PKHD1L1: variants seen among roughly 807,000 people sequenced by gnomAD.
The protein encoded by PKHD1L1 is fibrocystin-L.
A neutral mutation model predicts 462.9 loss-of-function variants in PKHD1L1; 434 were observed. The observed-to-expected ratio is 0.94, with a 90% CI of 0.87 to 1.02. The LOEUF is 1.02. Ranked by LOEUF, PKHD1L1 falls within the 50% of genes least tolerant of loss-of-function variation. The pLI is 0.00. For synonymous variants in PKHD1L1, 1,781 were observed against 1,750.0 expected, an observed-to-expected ratio of 1.02 and a Z score of -0.44; for missense variants, 5,202 against 5,096.1, an observed-to-expected ratio of 1.02 and a Z score of -0.63.
chr8:109,377,881 C>T (rs1019993416), intron 2 of PKHD1L1, among the ~76,000 whole-genome samples: 5 of 152,094 alleles, frequency 3.3e-5, no homozygotes, highest in East Asian at 1.9e-4. Flanking sequence ...TCTTATATGG[C>T]ATACAAGGCT....
intron 2 of PKHD1L1, among the ~76,000 whole-genome samples, chr8:109,381,152 A>C (rs868565055): frequency 3.3e-5 from 5 of 152,182 alleles, no homozygotes; most frequent in Admixed American, 1.3e-4. Context: ...AGATGACTGT[A>C]TCTACCCTCC....
At position 109,533,888 on chromosome 8, in the gene PKHD1L1, T is replaced by A. The variant is rs1436100671; in HGVS notation, c.*3798T>A. Among the ~76,000 whole-genome samples, 4 of 152,192 alleles carry A rather than the reference T, an allele frequency of 2.6e-5. No individual in the cohort carries two copies. The highest frequency in any genetic ancestry group is 2.0e-4 in the Admixed American group (3 of 15,284). On this transcript the variant is annotated 3_prime_UTR_variant, in exon 78 of 78. Transcript: ENST00000378402. Reference sequence around the variant, plus strand: ...TACAATGTCCTTGTGTGAAGAATATTTTTATACCTCTTCCAGAACCCAGAG... The same window carrying A: ...TACAATGTCCTTGTGTGAAGAATATATTTATACCTCTTCCAGAACCCAGAG...
chr8:109,478,526 G>A (rs1327080788), intron 53 of PKHD1L1, among the ~76,000 whole-genome samples: 1 of 152,024 alleles, frequency 6.6e-6, no homozygotes, highest in African/African-American at 2.4e-5. Context: ...CCTCAGGGAG[G>A]GGTTATTCCA....
chr8:109,368,279 T>C (rs746339129), intron 2 of PKHD1L1, among the ~76,000 whole-genome samples: 6 of 152,238 alleles, frequency 3.9e-5, no homozygotes, highest in Non-Finnish European at 7.3e-5. Flanking sequence ...TTGAATTATA[T>C]ACTTTTAATA....
intron 12 of PKHD1L1, 86 bp from the exon 13 acceptor site, chr8:109,399,990 A>G (rs1054544905): frequency 1.4e-5 from 19 of 1,377,532 alleles, no homozygotes; most frequent in Non-Finnish European, 1.9e-5. Flanking sequence ...GATATACAAA[A>G]TCTATAACCA....
At chr8:109,424,395 G>T (rs1248271907) in intron 23 of PKHD1L1, among the ~76,000 whole-genome samples, 1 of 152,116 alleles carries the variant, frequency 6.6e-6, no homozygotes, top group Non-Finnish European at 1.5e-5. Flanking sequence ...GAATATAGCT[G>T]CTAGGAACAT....
intron 55 of PKHD1L1, among the ~76,000 whole-genome samples, chr8:109,481,206 G>A (rs1216411323): frequency 1.3e-5 from 2 of 151,836 alleles, no homozygotes; most frequent in African/African-American, 4.8e-5. Flanking sequence ...TCAGTTTTAG[G>A]TCTAGTTCTG....
chr8:109,429,600 T>A (rs1016132012), intron 26 of PKHD1L1, 138 bp downstream of exon 26: 1 of 873,530 alleles, frequency 1.1e-6, no homozygotes, highest in African/African-American at 1.8e-5. Context: ...TTGATCAACT[T>A]GATAATATTA....
chr8:109,487,448 C>T (rs1818587407), intron 59 of PKHD1L1, among the ~76,000 whole-genome samples: 1 of 150,882 alleles, frequency 6.6e-6, no homozygotes, highest in African/African-American at 2.4e-5. Flanking sequence ...CCCTCCCTCC[C>T]TCCCTTCCTC....
intron 39 of PKHD1L1, 33 bp from the exon 40 acceptor site, chr8:109,449,305 G>A: frequency 6.5e-7 from 1 of 1,533,076 alleles, no homozygotes; most frequent in Non-Finnish European, 8.8e-7. Context: ...ATTTTAATTA[G>A]CTTTGTTTTT....
chr8:109,506,870 T>G (rs1452961150), intron 68 of PKHD1L1, among the ~76,000 whole-genome samples: 1 of 152,184 alleles, frequency 6.6e-6, no homozygotes, highest in Non-Finnish European at 1.5e-5. Context: ...GTATATTGTA[T>G]GCATACCATT....
Position 109,486,822 on chromosome 8 carries a change from G to C in PKHD1L1, c.9880+1G>C. Reference sequence around the variant, plus strand: ...ACTGAAAATATGATGACATTTAAAGGTTGGTATCAATTCAGTTTATTTTTC... The same window carrying C: ...ACTGAAAATATGATGACATTTAAAGCTTGGTATCAATTCAGTTTATTTTTC... On this transcript the variant is annotated splice_donor_variant, in intron 59 of 77. Coordinates refer to ENST00000378402, the MANE Select transcript of PKHD1L1 (RefSeq NM_177531.6). LOFTEE classifies it high-confidence loss of function. 1 of 1,610,644 alleles carries C rather than the reference G, an allele frequency of 6.2e-7. No individual in the cohort carries two copies. Among genetic ancestry groups the C allele is most frequent in the Non-Finnish European group, 8.5e-7 (1 of 1,177,796 alleles).
chr8:109,436,602 T>G (rs10111721), intron 30 of PKHD1L1, 143 bp downstream of exon 30: 4 of 1,315,594 alleles, frequency 3.0e-6, no homozygotes, highest in African/African-American at 1.5e-5. Context: ...TTAAAACTTA[T>G]TTCTTCCATA....
At chr8:109,385,296 T>A (rs1364697369) in intron 5 of PKHD1L1, among the ~76,000 whole-genome samples, 1 of 151,734 alleles carries the variant, frequency 6.6e-6, no homozygotes, top group Non-Finnish European at 1.5e-5. Flanking sequence ...CAAGCTGTAC[T>A]TGTGGAATAC....
intron 41 of PKHD1L1, 116 bp from the exon 42 acceptor site, chr8:109,452,008 C>T: frequency 1.2e-6 from 1 of 846,238 alleles, no homozygotes. Context: ...ACTTTGGTGG[C>T]TGATAGAATC....
intron 72 of PKHD1L1, among the ~76,000 whole-genome samples, chr8:109,516,596 G>A (rs373667033): frequency 7.2e-5 from 11 of 152,184 alleles, no homozygotes; most frequent in African/African-American, 2.6e-4. Flanking sequence ...AGCTGGTATG[G>A]TGCACAGCAA....
chr8:109,419,911 AT>A (rs35369085), intron 22 of PKHD1L1, among the ~76,000 whole-genome samples: 34 of 149,132 alleles, frequency 2.3e-4, no homozygotes, highest in Middle Eastern at 3.4e-3. Flanking sequence ...GAGTTAACTG[AT>A]TTTTTTTTTT....
chr8:109,530,108 T>C lies in PKHD1L1; in HGVS notation c.*18T>C, dbSNP rs1617350. 0.13 allele frequency: 167,757 copies of C among 1,271,652 alleles called. 16,693 individuals carry two copies. The highest frequency in any genetic ancestry group is 0.31 in the African/African-American group (19,659 of 62,914). The allele number at this position is 1,271,652 out of a possible 1,614,324, so 78.8% of individuals were successfully genotyped here. A position where few individuals can be genotyped will look rare whatever the true frequency, so the allele number is the denominator to read the frequency against. ...GCTACTAAAGTGCTGTTCCGAAGAA[T>C]AGGCTGAAACAAAAATATAAGAATT... On this transcript the variant is annotated 3_prime_UTR_variant, in exon 78 of 78. Transcript: ENST00000378402.
Position 109,497,064 on chromosome 8 carries a change from T to C in PKHD1L1, c.10473T>C (p.Phe3491=). 1 of 1,613,310 alleles carries C rather than the reference T, an allele frequency of 6.2e-7. No homozygotes were observed. The highest frequency in any genetic ancestry group is 1.1e-5 in the South Asian group (1 of 90,952). ...IWTCWDYGIY[F]QTTESVHIYN... ...CATGCTGGGATTATGGAATTTATTTTCAGGTAATTATGATTAAAGATGGTG... is the reference window on the plus strand; with the variant it reads ...CATGCTGGGATTATGGAATTTATTTCCAGGTAATTATGATTAAAGATGGTG... The change falls in exon 64 of 78, where the codon TTT becomes TTC. Residue 3491 remains phenylalanine (F), a synonymous_variant. Transcript: ENST00000378402.
Sources: allele counts gnomAD v4.1 joint callset (sites outside exome capture counted in the v4.1 genomes callset), GRCh38; gene constraint gnomAD v4.1.1; transcripts MANE v1.5; gene names NCBI Gene and HGNC (gene_info 2026-07-23, HGNC 2026-07-21).